The following DMD variants were observed in gnomAD, a reference collection of about 807,000 sequenced individuals.
The protein encoded by DMD is dystrophin.
Under a neutral mutation model 330.1 loss-of-function variants are expected in DMD, and 63 were observed. That is an observed-to-expected ratio of 0.19 (90% confidence interval 0.16 to 0.24). The LOEUF is 0.24. Among genes scored for constraint, DMD ranks in the 10% least tolerant of loss-of-function variants. The probability of loss-of-function intolerance (pLI) is 1.00; values close to 1 mark genes in which losing one functional copy is unlikely to be tolerated. For synonymous variants in DMD, 1,223 were observed against 959.8 expected (o/e 1.27, Z -5.07); for missense variants, 3,344 against 2,684.1 (o/e 1.25, Z -5.43).
intron 76 of DMD, among the ~76,000 whole-genome samples, chrX:31,142,245 A>AT: frequency 8.9e-6 from 1 of 112,113 alleles, no homozygotes; most frequent in Middle Eastern, 4.7e-3. Context: ...AATATCTTTC[A>AT]TTTTAGAAGG....
chrX:33,324,434 T>C (rs1191309942), intron 1 of DMD, among the ~76,000 whole-genome samples: 1 of 112,100 alleles, frequency 8.9e-6, no homozygotes, highest in Non-Finnish European at 1.9e-5. Flanking sequence ...TATCACAACA[T>C]TGTAGTTCTA....
At chrX:33,298,967 T>C (rs1383855251) in intron 1 of DMD, among the ~76,000 whole-genome samples, 1 of 111,014 alleles carries the variant, frequency 9.0e-6, no homozygotes, top group East Asian at 2.8e-4. Flanking sequence ...CTATCAAGAG[T>C]CTTAATGTCT....
At chrX:31,603,889 G>A (rs143475782) in intron 55 of DMD, among the ~76,000 whole-genome samples, 1,310 of 111,442 alleles carry the variant, frequency 0.012, 6 homozygotes, top group Non-Finnish European at 0.017. Flanking sequence ...ACACTACTTC[G>A]TAAAGGAAGA....
intron 12 of DMD, among the ~76,000 whole-genome samples, chrX:32,609,236 G>C (rs1349124815): frequency 9.1e-6 from 1 of 110,398 alleles, no homozygotes; most frequent in Non-Finnish European, 1.9e-5. Context: ...CTCTTAACAT[G>C]TTTTCCGGCC....
chrX:31,590,500 G>A (rs1022147396), intron 55 of DMD, among the ~76,000 whole-genome samples: 4 of 111,161 alleles, frequency 3.6e-5, no homozygotes, highest in African/African-American at 1.3e-4. Context: ...CTAGACTAGT[G>A]TACCCCATGC....
At chrX:32,334,044 CG>C (rs1279686821) in intron 41 of DMD, among the ~76,000 whole-genome samples, 1 of 111,488 alleles carries the variant, frequency 9.0e-6, no homozygotes, top group Non-Finnish European at 1.9e-5. Context: ...AGCTGATACT[CG>C]CTGAACATGC....
chrX:32,555,490 G>A (rs752885887), intron 16 of DMD, among the ~76,000 whole-genome samples: 46 of 111,396 alleles, frequency 4.1e-4, no homozygotes, highest in Non-Finnish European at 7.5e-4. Flanking sequence ...AGGAAGAGAG[G>A]AAGTCAAATT....
intron 41 of DMD, among the ~76,000 whole-genome samples, chrX:32,325,005 G>A (rs948279531): frequency 1.8e-5 from 2 of 111,262 alleles, no homozygotes; most frequent in African/African-American, 6.5e-5. Context: ...CACAAAGAAT[G>A]TATAAGATCT....
At chrX:33,153,707 T>C (rs1442074307) in intron 1 of DMD, among the ~76,000 whole-genome samples, 2 of 112,621 alleles carry the variant, frequency 1.8e-5, no homozygotes, top group African/African-American at 3.2e-5. Context: ...AAGGCAATAC[T>C]CACTTCTTTA....
intron 42 of DMD, 61 bp from the exon 43 acceptor site, chrX:32,287,762 AAT>A (rs3842480): frequency 1.6e-3 from 1,101 of 684,827 alleles, no homozygotes; most frequent in Non-Finnish European, 1.9e-3. Flanking sequence ...GAAAGAGAAA[AAT>A]ATATATATAT....
chrX:32,389,888 T>C (rs1212411269), intron 31 of DMD, among the ~76,000 whole-genome samples, 183 bp downstream of exon 31: 1 of 111,980 alleles, frequency 8.9e-6, no homozygotes, highest in Non-Finnish European at 1.9e-5. Flanking sequence ...AAATAAAAGG[T>C]AATTTATTAA....
intron 52 of DMD, among the ~76,000 whole-genome samples, chrX:31,720,863 C>T (rs769136999): frequency 2.7e-5 from 3 of 110,969 alleles, no homozygotes; most frequent in South Asian, 3.8e-4. Flanking sequence ...TAAATATAAT[C>T]GCAACAGGTA....
At chrX:33,043,263 C>A (rs1448214702) in intron 1 of DMD, among the ~76,000 whole-genome samples, 11 of 111,430 alleles carry the variant, frequency 9.9e-5, no homozygotes, top group Non-Finnish European at 1.9e-5. Context: ...CAATTTCCCA[C>A]TCTAATAAAA....
chrX:32,953,062 G>A (rs1268500767), intron 2 of DMD, among the ~76,000 whole-genome samples: 1 of 106,111 alleles, frequency 9.4e-6, no homozygotes, highest in East Asian at 3.0e-4. Flanking sequence ...TTGAACCCAG[G>A]AGATGGAGGT....
chrX:32,930,661 G>T (rs909534004), intron 2 of DMD, among the ~76,000 whole-genome samples: 4 of 110,086 alleles, frequency 3.6e-5, no homozygotes, highest in African/African-American at 1.3e-4. Flanking sequence ...ATTCCTTTAA[G>T]CTTTTGTACA....
At chrX:31,282,205 T>C (rs1325579208) in intron 62 of DMD, among the ~76,000 whole-genome samples, 2 of 112,235 alleles carry the variant, frequency 1.8e-5, no homozygotes, top group Admixed American at 1.9e-4. Context: ...CTTCTATATT[T>C]TTGCAGATTT....
At chrX:31,967,165 C>G (rs1253500876) in intron 45 of DMD, among the ~76,000 whole-genome samples, 1 of 109,896 alleles carries the variant, frequency 9.1e-6, no homozygotes, top group Non-Finnish European at 1.9e-5. Flanking sequence ...TATGACTTAC[C>G]TAAGGAAGTA....
intron 1 of DMD, among the ~76,000 whole-genome samples, chrX:33,275,452 G>A (rs185241145): frequency 1.5e-3 from 165 of 111,878 alleles, no homozygotes; most frequent in African/African-American, 4.7e-3. Context: ...GTTCAGATCC[G>A]TTTTAAATGT....
chrX:32,462,994 A>T (rs1264309769), intron 25 of DMD, among the ~76,000 whole-genome samples: 1 of 111,581 alleles, frequency 9.0e-6, no homozygotes, highest in Non-Finnish European at 1.9e-5. Flanking sequence ...AATGTGTCGA[A>T]GAGGCCAAAC....
Sources: gnomAD v4.1 joint callset for allele counts (sites outside exome capture counted in the v4.1 genomes callset) on GRCh38, gnomAD v4.1.1 for gene constraint, MANE v1.5 for transcripts, NCBI Gene and HGNC (gene_info 2026-07-23, HGNC 2026-07-21) for gene names.